The following MCC variants were observed in gnomAD, a reference collection of about 807,000 sequenced individuals.
MCC encodes the protein MCC regulator of Wnt signaling pathway.
In MCC, 90 loss-of-function variants were observed where a neutral mutation model predicts 116.2. That is an observed-to-expected ratio of 0.77 (90% CI 0.65 to 0.92). The LOEUF is 0.92. Ranked by LOEUF, MCC falls within the 40% of genes least tolerant of loss-of-function variation. The pLI is 0.00. For missense variants in MCC, 1,516 were observed against 1,312.2 expected, an observed-to-expected ratio of 1.16 and a Z score of -2.40; for synonymous variants, 578 against 510.5, an observed-to-expected ratio of 1.13 and a Z score of -1.78.
chr5:113,068,019 G>C, intron 13 of MCC, 61 bp downstream of exon 13: 2 of 1,420,092 alleles, frequency 1.4e-6, no homozygotes, highest in Admixed American at 1.7e-5. Context: ...TGCTGAGACA[G>C]GGGCAGAAGC....
rs1291644590 is a variant in MCC, at chr5:113,024,388, T to A, written c.*2914A>T. On this transcript the variant is annotated 3_prime_UTR_variant, in exon 19 of 19. Coordinates refer to ENST00000408903, the MANE Select transcript of MCC (RefSeq NM_001085377.2). Reference sequence around the variant, plus strand: ...AGCTCACACTGATGGCACTCGCAACTACGGACAGAAGTCTCTTTTGCTTGT... The same window carrying A: ...AGCTCACACTGATGGCACTCGCAACAACGGACAGAAGTCTCTTTTGCTTGT... The A allele has an allele frequency of 2.0e-5, 3 of 152,218 alleles. No individual in the cohort carries two copies. The highest frequency in any genetic ancestry group is 7.2e-5 in the African/African-American group (3 of 41,460). 9.4% of individuals were successfully genotyped at this position (152,218 alleles called of 1,614,324 possible).
At chr5:113,246,668 A>G (rs1175910158) in intron 3 of MCC, among the ~76,000 whole-genome samples, 1 of 152,222 alleles carries the variant, frequency 6.6e-6, no homozygotes, top group African/African-American at 2.4e-5. Flanking sequence ...TTTTTCTTGA[A>G]AACTGTCTCA....
At chr5:113,247,233 G>A (rs764828571) in intron 3 of MCC, among the ~76,000 whole-genome samples, 1 of 152,128 alleles carries the variant, frequency 6.6e-6, no homozygotes, top group Admixed American at 6.5e-5. Flanking sequence ...TTTCATCAAG[G>A]GGCAACTGAC....
intron 3 of MCC, among the ~76,000 whole-genome samples, chr5:113,327,701 G>A (rs6874175): frequency 0.19 from 28,456 of 149,658 alleles, 2,933 homozygotes; most frequent in Non-Finnish European, 0.23. Context: ...AGAAAACAGA[G>A]CTGGAATTAA....
At chr5:113,446,508 T>G (rs1244909468) in intron 1 of MCC, among the ~76,000 whole-genome samples, 2 of 152,188 alleles carry the variant, frequency 1.3e-5, no homozygotes, top group Non-Finnish European at 2.9e-5. Context: ...TCAACATCGC[T>G]AATCATCAGA....
chr5:113,177,911 A>G (rs952155599), intron 3 of MCC, among the ~76,000 whole-genome samples: 2 of 152,256 alleles, frequency 1.3e-5, no homozygotes, highest in Non-Finnish European at 2.9e-5. Context: ...TAATGCTGTA[A>G]CAAACATAAA....
At chr5:113,475,948 A>G (rs1580424671) in intron 1 of MCC, among the ~76,000 whole-genome samples, 1 of 152,228 alleles carries the variant, frequency 6.6e-6, no homozygotes, top group Non-Finnish European at 1.5e-5. Flanking sequence ...GATTACATAA[A>G]ATAATGCATG....
intron 11 of MCC, among the ~76,000 whole-genome samples, chr5:113,076,804 T>A (rs1754487995): frequency 6.6e-6 from 1 of 151,894 alleles, no homozygotes; most frequent in Non-Finnish European, 1.5e-5. Flanking sequence ...AATTCACACA[T>A]AATATTAACC....
At chr5:113,199,756 G>T (rs1171182321) in intron 3 of MCC, among the ~76,000 whole-genome samples, 1 of 152,174 alleles carries the variant, frequency 6.6e-6, no homozygotes, top group African/African-American at 2.4e-5. Context: ...ATGAGGCCAA[G>T]GAGAGAGAAC....
At chr5:113,167,146 C>T (rs565586279) in intron 3 of MCC, among the ~76,000 whole-genome samples, 4 of 152,184 alleles carry the variant, frequency 2.6e-5, no homozygotes, top group South Asian at 2.1e-4. Context: ...AATAGATGCG[C>T]TGTGGCAAAA....
intron 16 of MCC, chr5:113,048,860 G>A: frequency 3.4e-6 from 2 of 587,932 alleles, no homozygotes; most frequent in Non-Finnish European, 6.1e-6. Context: ...ATGTGACTGT[G>A]ATATGTGAAA....
intron 3 of MCC, among the ~76,000 whole-genome samples, chr5:113,254,223 C>T (rs997871523): frequency 2.0e-5 from 3 of 152,120 alleles, no homozygotes; most frequent in African/African-American, 7.2e-5. Context: ...AGCCAAATTA[C>T]CAATTAAGCA....
At chr5:113,140,511 G>C (rs1338481519) in intron 5 of MCC, among the ~76,000 whole-genome samples, 15 of 152,146 alleles carry the variant, frequency 9.9e-5, no homozygotes, top group Admixed American at 9.8e-4. Context: ...TGCAGTATCT[G>C]ATTTTTGGCT....
intron 3 of MCC, among the ~76,000 whole-genome samples, chr5:113,323,884 G>C (rs972330290): frequency 2.0e-5 from 3 of 152,096 alleles, no homozygotes; most frequent in African/African-American, 7.2e-5. Flanking sequence ...GCACCATATC[G>C]AGACAATGTC....
intron 3 of MCC, among the ~76,000 whole-genome samples, chr5:113,330,818 A>G (rs371174185): frequency 1.1e-4 from 17 of 152,356 alleles, no homozygotes; most frequent in African/African-American, 3.6e-4. Context: ...GAAACAGAAT[A>G]AAACATGAAC....
intron 3 of MCC, among the ~76,000 whole-genome samples, chr5:113,152,600 G>T (rs897693655): frequency 6.6e-6 from 1 of 152,210 alleles, no homozygotes; most frequent in Non-Finnish European, 1.5e-5. Flanking sequence ...ATTCTCATTT[G>T]AGGCTTAGAA....
chr5:113,348,809 T>C (rs115303527), intron 2 of MCC, among the ~76,000 whole-genome samples: 4,038 of 152,000 alleles, frequency 0.027, 63 homozygotes, highest in Non-Finnish European at 0.041. Context: ...GACAAACCTT[T>C]AGCCAGACTA....
chr5:113,089,094 T>C (rs2150246887), intron 8 of MCC, among the ~76,000 whole-genome samples: 1 of 152,254 alleles, frequency 6.6e-6, no homozygotes, highest in Middle Eastern at 3.4e-3. Flanking sequence ...TCAACTGGGG[T>C]TCCTCAACAC....
At chr5:113,367,634 G>GA (rs377722386) in intron 2 of MCC, among the ~76,000 whole-genome samples, 1 of 112,478 alleles carries the variant, frequency 8.9e-6, no homozygotes, top group Non-Finnish European at 1.8e-5. Context: ...GAGGGTGGGG[G>GA]GGGGGAAGAG....
Sources: gnomAD v4.1 joint callset for allele counts (sites outside exome capture counted in the v4.1 genomes callset) on GRCh38, gnomAD v4.1.1 for gene constraint, MANE v1.5 for transcripts, NCBI Gene and HGNC (gene_info 2026-07-23, HGNC 2026-07-21) for gene names.